TMBIM6: variants seen among roughly 807,000 people sequenced by gnomAD.
TMBIM6 encodes bax inhibitor 1.
In TMBIM6, 13 loss-of-function variants were observed where a neutral mutation model predicts 31.4. The observed-to-expected ratio is 0.41, with a 90% CI of 0.27 to 0.66. TMBIM6 has a LOEUF of 0.66. Among genes scored for constraint, TMBIM6 ranks in the 30% least tolerant of loss-of-function variants. The pLI is 0.28. For synonymous variants in TMBIM6, 85 were observed against 101.7 expected, an observed-to-expected ratio of 0.84 and a Z score of 0.99; for missense variants, 275 against 289.5, an observed-to-expected ratio of 0.95 and a Z score of 0.36.
rs1237368256 is a variant in TMBIM6, at chr12:49,752,547, T to C, written c.54T>C (p.His18=). The change falls in exon 2 of 10, where the codon CAT becomes CAC. Residue 18 remains histidine (H), a splice_region_variant and synonymous_variant. Coordinates refer to ENST00000267115, the MANE Select transcript of TMBIM6 (RefSeq NM_003217.3). ...TTGATGCGCTTTTAAAATTTTCTCA[T>C]ATGTAAGTGTTTTGACCTTGACTGG... ...INFDALLKFS[H]ITPSTQQHLK... 5 of 1,612,384 alleles carry C rather than the reference T, an allele frequency of 3.1e-6. No individual in the cohort carries two copies. The highest frequency in any genetic ancestry group is 2.7e-5 in the African/African-American group (2 of 74,900).
At chr12:49,758,813 CTTT>C in intron 7 of TMBIM6, 51 bp downstream of exon 7, 3 of 1,285,344 alleles carry the variant, frequency 2.3e-6, no homozygotes, top group Non-Finnish European at 2.2e-6. Flanking sequence ...ACACTTCTTT[CTTT>C]CCTTTTTTTT....
chr12:49,753,433 G>A (rs1945532986), intron 3 of TMBIM6, among the ~76,000 whole-genome samples: 1 of 152,292 alleles, frequency 6.6e-6, no homozygotes. Context: ...CTGATTGTGT[G>A]ATTAACTATC....
At chr12:49,761,054 G>T (rs530266014) in intron 8 of TMBIM6, among the ~76,000 whole-genome samples, 1 of 151,942 alleles carries the variant, frequency 6.6e-6, no homozygotes, top group African/African-American at 2.4e-5. Flanking sequence ...GGTCAGGCTG[G>T]TCTCAAACTC....
At chr12:49,756,073 TCCG>T (rs1374163023) in intron 4 of TMBIM6, among the ~76,000 whole-genome samples, 1 of 152,024 alleles carries the variant, frequency 6.6e-6, no homozygotes, top group Non-Finnish European at 1.5e-5. Context: ...GACCTCATGA[TCCG>T]CCCGTCTCGG....
At chr12:49,753,824 A>G (rs928645317) in intron 3 of TMBIM6, among the ~76,000 whole-genome samples, 1 of 152,076 alleles carries the variant, frequency 6.6e-6, no homozygotes, top group Non-Finnish European at 1.5e-5. Context: ...CCCTTAAATA[A>G]TTTAGTAAAA....
chr12:49,754,336 G>A (rs1945550851), intron 3 of TMBIM6, among the ~76,000 whole-genome samples: 1 of 152,156 alleles, frequency 6.6e-6, no homozygotes, highest in Admixed American at 6.5e-5. Flanking sequence ...GTGCTGTCTA[G>A]TATTCCTGAG....
chr12:49,742,638 T>A (rs1308861939), intron 1 of TMBIM6: 2 of 174,930 alleles, frequency 1.1e-5, no homozygotes, highest in Non-Finnish European at 2.4e-5. Context: ...CTTTTCTAGT[T>A]ACTTATTGAT....
At chr12:49,741,996 A>T in intron 1 of TMBIM6, 1 of 1,272,354 alleles carries the variant, frequency 7.9e-7, no homozygotes, top group South Asian at 1.4e-5. Flanking sequence ...GTTCGAATTC[A>T]GAGCACGTCC....
At position 49,764,041 on chromosome 12, in the gene TMBIM6, G is replaced by A. The variant is rs1237647985; in HGVS notation, c.*1145G>A. ...GCAGTAGATAAATGTTCATTTTACT[G>A]ATGCACTTTAGTTTTTGGTCTGTTA... is the stretch of plus-strand genomic sequence containing the variant. On this transcript the variant is annotated 3_prime_UTR_variant, in exon 10 of 10. Coordinates refer to ENST00000267115, the MANE Select transcript of TMBIM6 (RefSeq NM_003217.3). The A allele has an allele frequency of 6.6e-6, 1 of 152,224 alleles. No individual in the cohort carries two copies. Among genetic ancestry groups the A allele is most frequent in the Non-Finnish European group, 1.5e-5 (1 of 68,050 alleles). The allele number at this position is 152,224 out of a possible 1,614,324, so 9.4% of individuals were successfully genotyped here. A position where few individuals can be genotyped will look rare whatever the true frequency, so the allele number is the denominator to read the frequency against.
In TMBIM6 at chr12:49,764,103, G is replaced by A. The variant is rs1035193167; in HGVS notation, c.*1207G>A. 3.9e-5 allele frequency: 6 copies of A among 152,266 alleles called. No homozygotes were observed. Among genetic ancestry groups the A allele is most frequent in the Admixed American group, 1.3e-4 (2 of 15,306 alleles). The allele number at this position is 152,266 out of a possible 1,614,324, so 9.4% of individuals were successfully genotyped here. On this transcript the variant is annotated 3_prime_UTR_variant, in exon 10 of 10. Transcript: ENST00000267115. ...GAAATTTGTGGCCTTTTAGGCGGGA[G>A]TTAGGCGACCAAACCAGTGAGAGCC...
intron 9 of TMBIM6, 36 bp downstream of exon 9, chr12:49,761,815 T>G: frequency 6.2e-7 from 1 of 1,602,962 alleles, no homozygotes; most frequent in African/African-American, 1.3e-5. Flanking sequence ...GAGACAATAA[T>G]GGCTCCTGAG....
chr12:49,743,115 A>G (rs1945328622), intron 1 of TMBIM6, among the ~76,000 whole-genome samples: 1 of 151,320 alleles, frequency 6.6e-6, no homozygotes, highest in Non-Finnish European at 1.5e-5. Flanking sequence ...CTGAGTAGCT[A>G]GGACCACAGG....
At chr12:49,742,850 C>T (rs778126724) in intron 1 of TMBIM6, among the ~76,000 whole-genome samples, 11 of 152,184 alleles carry the variant, frequency 7.2e-5, no homozygotes, top group South Asian at 2.1e-4. Flanking sequence ...CATTTAGATT[C>T]TCTGCCGCCA....
At chr12:49,747,344 C>G (rs567692364) in intron 1 of TMBIM6, among the ~76,000 whole-genome samples, 2 of 151,872 alleles carry the variant, frequency 1.3e-5, no homozygotes, top group Admixed American at 1.3e-4. Context: ...CATTTTTGCT[C>G]TGTTACCAGG....
rs11540527 is a variant in TMBIM6 at position 49,752,509 on chromosome 12, C to T, written c.16C>T (p.Arg6Ter). The T allele has an allele frequency of 2.5e-6, 4 of 1,613,222 alleles. No individual in the cohort carries two copies. The highest frequency in any genetic ancestry group is 1.3e-5 in the African/African-American group (1 of 74,752). MNIFD[R>*]KINFDALLKF... Reference sequence around the variant, plus strand: ...CTCTGGAACCATGAACATATTTGATCGAAAGATCAACTTTGATGCGCTTTT... The same window carrying T: ...CTCTGGAACCATGAACATATTTGATTGAAAGATCAACTTTGATGCGCTTTT... The change falls in exon 2 of 10, where the codon CGA (arginine) becomes TGA (stop). Residue 6 changes from arginine (R) to a stop codon, truncating the protein, a stop_gained. Transcript: ENST00000267115. LOFTEE classifies it high-confidence loss of function.
chr12:49,750,735 A>G (rs921143189), intron 1 of TMBIM6: 4 of 152,278 alleles, frequency 2.6e-5, no homozygotes, highest in African/African-American at 4.8e-5. Context: ...AGAGAAGGAA[A>G]GAAGAAACCA....
intron 1 of TMBIM6, chr12:49,742,431 A>T: frequency 1.8e-6 from 2 of 1,111,678 alleles, no homozygotes; most frequent in Non-Finnish European, 2.4e-6. Flanking sequence ...ATATTTACTG[A>T]GTGTAGAATT....
intron 1 of TMBIM6, among the ~76,000 whole-genome samples, chr12:49,751,604 G>T (rs1427924670): frequency 6.6e-6 from 1 of 151,900 alleles, no homozygotes; most frequent in East Asian, 1.9e-4. Context: ...GTCCTTTTCA[G>T]TTCAGTTCTT....
At chr12:49,742,239 C>G (rs1484903147) in intron 1 of TMBIM6, 1 of 1,611,906 alleles carries the variant, frequency 6.2e-7, no homozygotes, top group Non-Finnish European at 8.5e-7. Flanking sequence ...TCCAGGCCCA[C>G]GGGGCGGCCC....
Sources: gnomAD v4.1 joint callset for allele counts (sites outside exome capture counted in the v4.1 genomes callset) on GRCh38, gnomAD v4.1.1 for gene constraint, MANE v1.5 for transcripts, NCBI Gene and HGNC (gene_info 2026-07-23, HGNC 2026-07-21) for gene names.